The following UBAC2 variants were observed in gnomAD, a reference collection of about 807,000 sequenced individuals.
UBAC2 encodes the protein UBA domain containing 2.
UBAC2 carries 26 observed loss-of-function variants against 44.0 expected under a neutral mutation model. That is an observed-to-expected ratio of 0.59 (90% CI 0.43 to 0.82). The LOEUF is 0.82. Among genes scored for constraint, UBAC2 ranks in the 40% least tolerant of loss-of-function variants. UBAC2 has a pLI of 0.00. For missense variants in UBAC2, 329 were observed against 419.4 expected, an observed-to-expected ratio of 0.78 and a Z score of 1.88; for synonymous variants, 155 against 154.3, an observed-to-expected ratio of 1.00 and a Z score of -0.04.
In UBAC2 at chr13:99,295,637, G is replaced by C. The variant is rs765038589; in HGVS notation, c.390-18460G>C. On this transcript the variant is annotated intron_variant, in intron 4 of 8. Transcript: ENST00000403766. This position sits in a 1 kb window ranked among gnomAD's most constrained non-coding sequence, Gnocchi z 4.1. ...CCTTTCAGCCTCCTGCTTTGACATAGGGTTGATGAGGAGTGGGAGTGTCTG... is the reference window on the plus strand; with the variant it reads ...CCTTTCAGCCTCCTGCTTTGACATACGGTTGATGAGGAGTGGGAGTGTCTG... The C allele has an allele frequency of 6.8e-6, 11 of 1,614,146 alleles. No individual in the cohort carries two copies. The South Asian group carries it at 8.8e-5, about 13-fold the overall frequency.
chr13:99,211,960 G>C (rs1241489879), intron 1 of UBAC2, among the ~76,000 whole-genome samples: 1 of 152,156 alleles, frequency 6.6e-6, no homozygotes. Context: ...GCACAAGTCT[G>C]CCTCTCCCCA....
intron 1 of UBAC2, among the ~76,000 whole-genome samples, chr13:99,223,274 G>T (rs1306790125): frequency 6.6e-6 from 1 of 151,982 alleles, no homozygotes; most frequent in Non-Finnish European, 1.5e-5. Context: ...ACATTGTTGT[G>T]CAACTTCTTA....
chr13:99,365,275 CCTT>C (rs1412781761), intron 7 of UBAC2, among the ~76,000 whole-genome samples: 1 of 152,008 alleles, frequency 6.6e-6, no homozygotes, highest in East Asian at 1.9e-4. Flanking sequence ...TTTAGTGACT[CCTT>C]CTGTTTCTTT....
intron 1 of UBAC2, among the ~76,000 whole-genome samples, chr13:99,204,090 A>G (rs1036017774): frequency 2.6e-4 from 40 of 152,268 alleles, no homozygotes; most frequent in African/African-American, 9.4e-4. Context: ...ATAAGCTCCT[A>G]TTTACCTCAC....
At chr13:99,356,638 T>C (rs1021872611) in intron 7 of UBAC2, among the ~76,000 whole-genome samples, 14 of 152,348 alleles carry the variant, frequency 9.2e-5, no homozygotes, top group African/African-American at 3.4e-4. Context: ...TTATTATTTT[T>C]TCCAATACCT....
intron 6 of UBAC2, among the ~76,000 whole-genome samples, chr13:99,324,917 C>G (rs747733676): frequency 6.6e-6 from 1 of 152,092 alleles, no homozygotes; most frequent in Non-Finnish European, 1.5e-5. Flanking sequence ...TATATCCCAT[C>G]TAGGTTTGTG....
intron 4 of UBAC2, among the ~76,000 whole-genome samples, chr13:99,310,582 G>A (rs1035121029): frequency 1.3e-5 from 2 of 152,160 alleles, no homozygotes; most frequent in Admixed American, 6.5e-5. Context: ...AAATAGCAAC[G>A]GAAAATTTCT....
At position 99,259,359 on chromosome 13, in the gene UBAC2, T is replaced by C. The variant is rs146276520; in HGVS notation, c.389+14735T>C. On this transcript the variant is annotated intron_variant, in intron 4 of 8. Transcript: ENST00000403766. The stretch of plus-strand genomic sequence containing the variant: ...TGGGGTCCATCCTTTTTTTTTTTTT[T>C]CTCAGACAAAACCATAGTAAATCTG... 1.4e-4 allele frequency among the ~76,000 whole-genome samples: 21 copies of C among 152,028 alleles called. No homozygotes were observed. In the East Asian group the frequency reaches 3.9e-3, roughly 28 times the overall value.
At chr13:99,362,381 C>A (rs1326096886) in intron 7 of UBAC2, among the ~76,000 whole-genome samples, 1 of 152,188 alleles carries the variant, frequency 6.6e-6, no homozygotes, top group East Asian at 1.9e-4. Flanking sequence ...TCACAGCTCC[C>A]TAGAGGTGAA....
intron 4 of UBAC2, among the ~76,000 whole-genome samples, chr13:99,268,458 A>T (rs2043771483): frequency 2.0e-5 from 3 of 151,874 alleles, no homozygotes; most frequent in Admixed American, 2.0e-4. Flanking sequence ...AATACAAAAA[A>T]TTAGCCAGGC....
chr13:99,340,231 A>G (rs996847002), intron 6 of UBAC2, 89 bp from the exon 7 acceptor site: 2 of 1,429,652 alleles, frequency 1.4e-6, no homozygotes, highest in Non-Finnish European at 1.9e-6. Flanking sequence ...TACCGTGTGC[A>G]GTGTCTGGAG....
intron 1 of UBAC2, among the ~76,000 whole-genome samples, chr13:99,222,371 A>T (rs2043060428): frequency 6.6e-6 from 1 of 152,216 alleles, no homozygotes; most frequent in South Asian, 2.1e-4. Context: ...AGTAACAGGC[A>T]CATAGGCCCT....
chr13:99,295,270 A>G lies in UBAC2; in HGVS notation c.390-18827A>G, dbSNP rs764369165. The G allele has an allele frequency of 4.3e-6, 7 of 1,614,174 alleles. No individual in the cohort carries two copies. The East Asian group carries it at 1.1e-4, about 26-fold the overall frequency. On this transcript the variant is annotated intron_variant, in intron 4 of 8. Transcript: ENST00000403766. The surrounding 1 kb of genome is among the most constrained non-coding windows in gnomAD (Gnocchi z 4.1). ...AATTGAAGTTCATCAGGCATACTGT[A>G]AAGTGCAGAGAAATCTGGAACGAAT...
intron 8 of UBAC2, among the ~76,000 whole-genome samples, chr13:99,371,190 A>G (rs1350633671): frequency 6.6e-6 from 1 of 151,412 alleles, no homozygotes; most frequent in Non-Finnish European, 1.5e-5. Flanking sequence ...TTTTTCCTTG[A>G]TCATCCCAGA....
rs1202640909 is a variant in UBAC2 at position 99,262,601 on chromosome 13, G to A, written c.389+17977G>A. The stretch of plus-strand genomic sequence containing the variant: ...GCCTATAATCCCAGCTACTCAGGAG[G>A]CTGAGGCAGGAGAATCGCTTGAACC... On this transcript the variant is annotated intron_variant, in intron 4 of 8. Transcript: ENST00000403766. Among the ~76,000 whole-genome samples the A allele has an allele frequency of 2.7e-5, 4 of 150,420 alleles. No homozygotes were observed. The East Asian group carries it at 7.8e-4, about 29-fold the overall frequency.
chr13:99,333,109 AAGAG>A (rs950599480), intron 6 of UBAC2, among the ~76,000 whole-genome samples: 51 of 152,306 alleles, frequency 3.3e-4, no homozygotes, highest in African/African-American at 1.0e-3. Flanking sequence ...GGGGGGAAGA[AAGAG>A]AGAGATAATG....
intron 4 of UBAC2, among the ~76,000 whole-genome samples, chr13:99,306,895 G>A (rs1015151938): frequency 3.9e-5 from 6 of 152,076 alleles, no homozygotes; most frequent in African/African-American, 1.2e-4. Flanking sequence ...CTTTGCCCTA[G>A]GAATTCTACC....
At chr13:99,255,795 A>G in intron 4 of UBAC2, 1 of 1,612,384 alleles carries the variant, frequency 6.2e-7, no homozygotes, top group Non-Finnish European at 8.5e-7. Context: ...TATAGAAGAC[A>G]AGGGCTGCAA....
chr13:99,260,248 C>T (rs2043640279), intron 4 of UBAC2, among the ~76,000 whole-genome samples: 1 of 152,182 alleles, frequency 6.6e-6, no homozygotes, highest in Non-Finnish European at 1.5e-5. Flanking sequence ...GGTACCTATC[C>T]CTGTAGTGGC....
Sources: allele counts gnomAD v4.1 joint callset (sites outside exome capture counted in the v4.1 genomes callset), GRCh38; gene constraint gnomAD v4.1.1; non-coding constraint Gnocchi (gnomAD v3.1); transcripts MANE v1.5; gene names NCBI Gene and HGNC (gene_info 2026-07-23, HGNC 2026-07-21).